The following BMPER variants were observed in gnomAD, a reference collection of about 807,000 sequenced individuals.
BMPER encodes the protein BMP-binding endothelial regulator protein.
In BMPER, 45 loss-of-function variants were observed where a neutral mutation model predicts 87.3. That is an observed-to-expected ratio of 0.52 (90% CI 0.41 to 0.66). BMPER has a LOEUF of 0.66. BMPER is among the 30% of genes least tolerant of loss of function. The probability of loss-of-function intolerance (pLI) is 0.00; values close to 1 mark genes in which losing one functional copy is unlikely to be tolerated. For synonymous variants in BMPER, 326 were observed against 316.2 expected (o/e 1.03, Z -0.33); for missense variants, 784 against 867.5 (o/e 0.90, Z 1.21).
intron 6 of BMPER, among the ~76,000 whole-genome samples, chr7:34,039,664 C>T (rs1323357051): frequency 6.6e-6 from 1 of 151,436 alleles, no homozygotes; most frequent in African/African-American, 2.4e-5. Flanking sequence ...GTGGTGTATA[C>T]ATGCCCAGAT....
chr7:33,998,645 T>C (rs940108082), intron 6 of BMPER, among the ~76,000 whole-genome samples: 1 of 152,144 alleles, frequency 6.6e-6, no homozygotes, highest in African/African-American at 2.4e-5. Flanking sequence ...CCTGAGAACG[T>C]TGTGAACAAG....
intron 3 of BMPER, among the ~76,000 whole-genome samples, chr7:33,944,762 G>C (rs778701065): frequency 9.2e-4 from 140 of 152,206 alleles, no homozygotes; most frequent in Admixed American, 4.0e-3. Flanking sequence ...AATGTGCATA[G>C]TTTATTTATA....
At chr7:34,112,818 A>G (rs1335712008) in intron 13 of BMPER, among the ~76,000 whole-genome samples, 1 of 151,994 alleles carries the variant, frequency 6.6e-6, no homozygotes, top group African/African-American at 2.4e-5. Flanking sequence ...TGCTTTACAA[A>G]TATTAACTCA....
At position 34,090,848 on chromosome 7, in the gene BMPER, A is replaced by G. The variant is rs930170286; in HGVS notation, c.1745+4756A>G. 2.6e-5 allele frequency among the ~76,000 whole-genome samples: 4 copies of G among 152,076 alleles called. No individual in the cohort carries two copies. The South Asian group carries it at 6.2e-4, about 24-fold the overall frequency. On this transcript the variant is annotated intron_variant, in intron 13 of 14. Coordinates refer to ENST00000649409, the MANE Select transcript of BMPER (RefSeq NM_001365308.1). ...ATCTCAAGACTGTTTTCCTCTCTGC[A>G]CTCTCCTTGACGGGGTATCATTCAC...
intron 11 of BMPER, among the ~76,000 whole-genome samples, chr7:34,073,724 G>A (rs1302904217): frequency 2.0e-5 from 3 of 152,208 alleles, no homozygotes; most frequent in African/African-American, 7.2e-5. Context: ...CCCCTAAAAG[G>A]AAAAACATAG....
chr7:34,079,761 T>C (rs888051), intron 12 of BMPER, among the ~76,000 whole-genome samples: 150,666 of 152,302 alleles, frequency 0.99, 74,540 homozygotes, highest in East Asian at 1. Context: ...GTAGCCATAT[T>C]CCACGTGGCT....
chr7:33,920,034 A>G (rs1784181020), intron 2 of BMPER, among the ~76,000 whole-genome samples: 1 of 152,154 alleles, frequency 6.6e-6, no homozygotes, highest in Non-Finnish European at 1.5e-5. Context: ...GAAAGTGTGA[A>G]TGAATGTGTG....
chr7:34,150,553 T>C (rs1791144957), intron 14 of BMPER, among the ~76,000 whole-genome samples: 1 of 152,206 alleles, frequency 6.6e-6, no homozygotes, highest in Admixed American at 6.5e-5. Context: ...ATATTCAGCT[T>C]GGATGTTTCC....
chr7:34,119,014 T>TCTCTCTCTCTCTCTCACACA (rs66493349), intron 13 of BMPER, among the ~76,000 whole-genome samples: 12 of 135,792 alleles, frequency 8.8e-5, no homozygotes, highest in African/African-American at 2.6e-4. Context: ...TCTCTCTCTC[T>TCTCTCTCTCTCTCTCACACA]CACACACACA....
intron 2 of BMPER, among the ~76,000 whole-genome samples, chr7:33,911,969 A>G (rs986422016): frequency 3.3e-5 from 5 of 152,214 alleles, no homozygotes; most frequent in African/African-American, 1.2e-4. Flanking sequence ...ATTGTTACGC[A>G]TGAACAAGGT....
Position 34,153,083 on chromosome 7 carries a change from C to CT in BMPER, c.1877-4dup, listed in dbSNP as rs763320675. 6.8e-6 allele frequency: 11 copies of CT among 1,613,948 alleles called. No individual in the cohort carries two copies. The highest frequency in any genetic ancestry group is 1.3e-5 in the African/African-American group (1 of 75,014). On this transcript the variant is annotated splice_polypyrimidine_tract_variant and intron_variant, in intron 14 of 14. Coordinates refer to ENST00000649409, the MANE Select transcript of BMPER (RefSeq NM_001365308.1). ...CCATGTTATGCCTTTGTCTCCTTCTCTTTTTCAGCCACCCAGTGTAAGCAT... is the reference window on the plus strand; with the variant it reads ...CCATGTTATGCCTTTGTCTCCTTCTCTTTTTTCAGCCACCCAGTGTAAGCAT...
chr7:33,927,856 A>G (rs1784396232), intron 2 of BMPER, among the ~76,000 whole-genome samples: 1 of 152,226 alleles, frequency 6.6e-6, no homozygotes, highest in Admixed American at 6.5e-5. Context: ...AGAACTCACC[A>G]GAAAGGTATA....
At chr7:33,992,652 C>T (rs1045485016) in intron 6 of BMPER, among the ~76,000 whole-genome samples, 3 of 147,892 alleles carry the variant, frequency 2.0e-5, no homozygotes, top group Admixed American at 6.7e-5. Context: ...GAATTTGATC[C>T]TGTCATTATG....
chr7:33,998,676 T>C (rs1786488158), intron 6 of BMPER, among the ~76,000 whole-genome samples: 1 of 152,162 alleles, frequency 6.6e-6, no homozygotes, highest in Admixed American at 6.5e-5. Context: ...CAAGGCTGAA[T>C]GGTGAGCTGG....
At chr7:34,105,266 A>G (rs1203464549) in intron 13 of BMPER, among the ~76,000 whole-genome samples, 5 of 152,186 alleles carry the variant, frequency 3.3e-5, no homozygotes, top group Non-Finnish European at 7.3e-5. Context: ...CATGAATTCT[A>G]AACACATTCC....
chr7:33,933,017 T>A (rs1213427294), intron 2 of BMPER, among the ~76,000 whole-genome samples: 2 of 152,180 alleles, frequency 1.3e-5, no homozygotes, highest in Non-Finnish European at 2.9e-5. Flanking sequence ...GTCTCAAGGC[T>A]GCAATTCCTG....
intron 11 of BMPER, among the ~76,000 whole-genome samples, chr7:34,063,930 A>G (rs1037177236): frequency 3.3e-5 from 5 of 152,244 alleles, no homozygotes; most frequent in African/African-American, 1.2e-4. Context: ...GCATGAGCAC[A>G]GACTCATTAC....
chr7:34,099,549 C>T (rs919812185), intron 13 of BMPER, among the ~76,000 whole-genome samples: 3 of 152,032 alleles, frequency 2.0e-5, no homozygotes, highest in Non-Finnish European at 4.4e-5. Context: ...TTTAAATAAA[C>T]CGATTTTATC....
At chr7:33,969,060 A>G (rs1300827769) in intron 4 of BMPER, among the ~76,000 whole-genome samples, 3 of 152,194 alleles carry the variant, frequency 2.0e-5, no homozygotes, top group African/African-American at 4.8e-5. Context: ...GCCATAACCA[A>G]TTCTCCAGTG....
Sources: allele counts gnomAD v4.1 joint callset (sites outside exome capture counted in the v4.1 genomes callset), GRCh38; gene constraint gnomAD v4.1.1; transcripts MANE v1.5; gene names NCBI Gene and HGNC (gene_info 2026-07-23, HGNC 2026-07-21).